Variants in ANKRD18A observed in about 807,000 individuals in gnomAD.
ANKRD18A encodes ankyrin repeat domain 18A, also known as ankyrin repeat domain-containing protein 18A.
In ANKRD18A, 72 loss-of-function variants were observed where a neutral mutation model predicts 110.6. The observed-to-expected ratio is 0.65, with a 90% confidence interval of 0.54 to 0.79. The LOEUF (loss-of-function observed/expected upper bound fraction) is 0.79. Ranked by LOEUF, ANKRD18A falls within the 30% of genes least tolerant of loss-of-function variation. The pLI is 0.00. For missense variants in ANKRD18A, 934 were observed against 1,163.3 expected (o/e 0.80, Z 2.87); for synonymous variants, 305 against 410.3 (o/e 0.74, Z 3.10).
Position 38,596,224 on chromosome 9 carries a change from A to G in ANKRD18A, c.1116T>C (p.Ser372=). The part of the protein sequence containing the change: ...ITEINANFEK[S]VRLNEKMITK... Reference sequence around the variant, plus strand: ...TTATCATTTTTTCATTGAGTCTTACACTCTTTTCAAAGTTAGCATTTATTT... The same window carrying G: ...TTATCATTTTTTCATTGAGTCTTACGCTCTTTTCAAAGTTAGCATTTATTT... The change falls in exon 9 of 16, where the codon AGT becomes AGC. Residue 372 remains serine, a synonymous_variant. Transcript: ENST00000399703. The G allele has an allele frequency of 2.6e-6, 4 of 1,538,074 alleles. No individual in the cohort carries two copies. The highest frequency in any genetic ancestry group is 1.4e-5 in the African/African-American group (1 of 72,026).
At chr9:38,619,420 T>C (rs1053829178) in intron 1 of ANKRD18A, among the ~76,000 whole-genome samples, 3 of 152,234 alleles carry the variant, frequency 2.0e-5, no homozygotes, top group Non-Finnish European at 4.4e-5. Flanking sequence ...TCCATTTATT[T>C]ATCTGTGTTT....
intron 8 of ANKRD18A, among the ~76,000 whole-genome samples, chr9:38,599,347 C>A (rs1270447636): frequency 6.6e-6 from 1 of 152,212 alleles, no homozygotes; most frequent in African/African-American, 2.4e-5. Flanking sequence ...GATTACGGGG[C>A]ACTCCCTTTA....
Position 38,596,176 on chromosome 9 carries a change from C to T in ANKRD18A, c.1164G>A (p.Ser388=), listed in dbSNP as rs145777704. 97 of 1,543,906 alleles carry T rather than the reference C, an allele frequency of 6.3e-5. No homozygotes were observed. The Middle Eastern group carries it at 1.2e-3, about 19-fold the overall frequency. ...CAGCTTTCAGATCATTAAGCTGTTGCGAATACCGGGCCACTGTTTTTGTTA... is the reference window on the plus strand; with the variant it reads ...CAGCTTTCAGATCATTAAGCTGTTGTGAATACCGGGCCACTGTTTTTGTTA... ...KMITKTVARY[S]QQLNDLKAEN... is the part of the protein sequence containing the mutation. The change falls in exon 9 of 16, where the codon TCG becomes TCA. Residue 388 remains serine (S), a synonymous_variant. Transcript: ENST00000399703.
chr9:38,577,288 C>G (rs1823938187), intron 13 of ANKRD18A, 24 bp from the exon 14 acceptor site: 1 of 1,505,542 alleles, frequency 6.6e-7, no homozygotes, highest in South Asian at 1.3e-5. Context: ...AAAGAATACA[C>G]TTTTAAAACA....
At position 38,603,277 on chromosome 9, in the gene ANKRD18A, T is replaced by G. The variant is rs1197504563; in HGVS notation, c.809-65A>C. The G allele has an allele frequency of 1.9e-6, 3 of 1,545,890 alleles. No homozygotes were observed. In the East Asian group the frequency reaches 7.3e-5, roughly 38 times the overall value. ...AACATCATCCCTCTGCCTCCTTACC[T>G]GGCAAAGTTTCACTTACTCTGCATG... On this transcript the variant is annotated intron_variant, in intron 6 of 15. Coordinates refer to ENST00000399703, the MANE Select transcript of ANKRD18A (RefSeq NM_147195.4).
intron 1 of ANKRD18A, among the ~76,000 whole-genome samples, chr9:38,617,073 C>A (rs1308582439): frequency 6.6e-6 from 1 of 152,174 alleles, no homozygotes; most frequent in South Asian, 2.1e-4. Flanking sequence ...TTTAATTCCT[C>A]AAAGTACCAT....
chr9:38,595,622 A>G lies in ANKRD18A; in HGVS notation c.1718T>C (p.Val573Ala), dbSNP rs781105744. 7 of 1,551,020 alleles carry G rather than the reference A, an allele frequency of 4.5e-6. No individual in the cohort carries two copies. In the South Asian group the frequency reaches 8.3e-5, roughly 18 times the overall value. Residue 573 changes from valine to alanine, a missense_variant, in exon 9 of 16, where the codon GTC (valine) becomes GCC (alanine). Transcript: ENST00000399703. ...AAGACAGTCTCTGTGGATATTAATGACTATCTCTTTATTATCGCCTTCCTT... is the reference window on the plus strand; with the variant it reads ...AAGACAGTCTCTGTGGATATTAATGGCTATCTCTTTATTATCGCCTTCCTT... ...ARKEGDNKEI[V>A]INIHRDCLEN...
downstream of ANKRD18A, chr9:38,569,292 G>A (rs1318950965): frequency 8.7e-5 from 83 of 958,270 alleles, no homozygotes; most frequent in South Asian, 4.3e-4. Context: ...ACAGGCACCT[G>A]GTGAGTGCTC....
chr9:38,604,671 A>G (rs1825274349), intron 6 of ANKRD18A, among the ~76,000 whole-genome samples: 2 of 151,400 alleles, frequency 1.3e-5, no homozygotes, highest in Middle Eastern at 3.2e-3. Flanking sequence ...CTTTTATTGA[A>G]CTTGTATCTA....
chr9:38,619,706 A>G (rs537567054), intron 1 of ANKRD18A, among the ~76,000 whole-genome samples: 1 of 152,278 alleles, frequency 6.6e-6, no homozygotes, highest in South Asian at 2.1e-4. Context: ...AGCTCCAGTA[A>G]AGAACCTGTC....
At chr9:38,589,239 CT>C in intron 10 of ANKRD18A, among the ~76,000 whole-genome samples, 1 of 149,876 alleles carries the variant, frequency 6.7e-6, no homozygotes, top group African/African-American at 2.5e-5. Context: ...CTTTTGTCTA[CT>C]TTTTGTGGCT....
At chr9:38,603,635 C>T (rs1205161042) in intron 6 of ANKRD18A, among the ~76,000 whole-genome samples, 2 of 152,022 alleles carry the variant, frequency 1.3e-5, no homozygotes, top group Non-Finnish European at 2.9e-5. Context: ...CTGCTTAAAT[C>T]GTTCTTGAAA....
intron 11 of ANKRD18A, among the ~76,000 whole-genome samples, chr9:38,587,648 TA>T (rs1824443544): frequency 6.6e-6 from 1 of 152,158 alleles, no homozygotes; most frequent in African/African-American, 2.4e-5. Context: ...AATAGGTCTT[TA>T]AAAAATTTGA....
At position 38,592,739 on chromosome 9, in the gene ANKRD18A, T is replaced by A. The variant is rs570286096; in HGVS notation, c.2004+1021A>T. Among the ~76,000 whole-genome samples the A allele has an allele frequency of 6.6e-5, 10 of 152,190 alleles. No individual in the cohort carries two copies. In the South Asian group the frequency reaches 2.1e-3, roughly 32 times the overall value. ...GGTGTAGCCATGAAATAGACTATTA[T>A]TTGACAATAAGAAGGAATAAACTAC... On this transcript the variant is annotated intron_variant, in intron 10 of 15. Transcript: ENST00000399703.
chr9:38,582,032 C>T (rs969287537), intron 12 of ANKRD18A, among the ~76,000 whole-genome samples: 1 of 152,120 alleles, frequency 6.6e-6, no homozygotes, highest in African/African-American at 2.4e-5. Context: ...AACAAGATGC[C>T]AGGTGGAAAG....
chr9:38,608,562 T>A (rs1259427510), intron 5 of ANKRD18A, among the ~76,000 whole-genome samples: 1 of 147,266 alleles, frequency 6.8e-6, no homozygotes, highest in Non-Finnish European at 1.5e-5. Context: ...ATATAATCTA[T>A]AACTATATAA....
chr9:38,575,534 A>G lies in ANKRD18A; in HGVS notation c.2906T>C (p.Ile969Thr). 3.9e-6 allele frequency: 6 copies of G among 1,551,622 alleles called. No individual in the cohort carries two copies. The highest frequency in any genetic ancestry group is 5.2e-6 in the Non-Finnish European group (6 of 1,146,830). ...LNRKYIPKTAIRIPTSNPQTS... is the reference protein window; with the variant it reads ...LNRKYIPKTATRIPTSNPQTS... ...CTGTGGGTTTGAAGTAGGAATTCTT[A>G]TGGCCGTTTTGGGAATATATTTTCT... Residue 969 changes from isoleucine to threonine, a missense_variant, in exon 15 of 16, where the codon ATA becomes ACA. This residue lies in a region of ANKRD18A where 223 missense variants were observed against 226.7 expected (regional missense o/e 0.98). Transcript: ENST00000399703.
At chr9:38,582,318 C>T (rs1434257445) in intron 12 of ANKRD18A, among the ~76,000 whole-genome samples, 2 of 152,160 alleles carry the variant, frequency 1.3e-5, no homozygotes, top group Admixed American at 6.6e-5. Context: ...GTAAGCCTGA[C>T]TTGCCATCAT....
intron 10 of ANKRD18A, among the ~76,000 whole-genome samples, chr9:38,590,920 A>G (rs1455425697): frequency 6.6e-6 from 1 of 152,156 alleles, no homozygotes; most frequent in Admixed American, 6.5e-5. Context: ...AGCGGCTAAT[A>G]ATTCTATGCC....
Sources: gnomAD v4.1 joint callset for allele counts (sites outside exome capture counted in the v4.1 genomes callset) on GRCh38, gnomAD v4.1.1 for gene constraint, gnomAD v4.1.1 regional missense constraint, MANE v1.5 for transcripts, NCBI Gene and HGNC (gene_info 2026-07-23, HGNC 2026-07-21) for gene names.